Variants in NRDC observed in about 807,000 individuals in gnomAD.
NRDC encodes nardilysin.
In NRDC, 54 loss-of-function variants were observed where a neutral mutation model predicts 147.1. The ratio of observed to expected loss-of-function variants is 0.37; its 90% CI spans 0.29 to 0.46. The LOEUF (loss-of-function observed/expected upper bound fraction) is 0.46, where lower values mean the gene tolerates loss of function less well. Among genes scored for constraint, NRDC ranks in the 20% least tolerant of loss-of-function variants. The pLI, the probability that NRDC is intolerant of heterozygous loss-of-function variation, is 1.00. For missense variants in NRDC, 1,082 were observed against 1,370.6 expected, an observed-to-expected ratio of 0.79 and a Z score of 3.33; for synonymous variants, 440 against 482.1, an observed-to-expected ratio of 0.91 and a Z score of 1.14.
intron 1 of NRDC, among the ~76,000 whole-genome samples, chr1:51,850,636 A>G (rs1681902384): frequency 6.6e-6 from 1 of 152,224 alleles, no homozygotes. Flanking sequence ...TTGCTTCCCT[A>G]CAGAAACTAA....
At chr1:51,802,212 G>A (rs1287145518) in intron 20 of NRDC, among the ~76,000 whole-genome samples, 1 of 152,054 alleles carries the variant, frequency 6.6e-6, no homozygotes, top group Non-Finnish European at 1.5e-5. Flanking sequence ...GACTTGTGTT[G>A]TGGTGACTTA....
chr1:51,867,245 G>A lies in NRDC; in HGVS notation c.341+11030C>T, dbSNP rs565884375. ...GTAACAAGCCAAAGGAGAAAAGGAAGAAGACAGAAATGGAAGCAAGACTTT... is the reference window on the plus strand; with the variant it reads ...GTAACAAGCCAAAGGAGAAAAGGAAAAAGACAGAAATGGAAGCAAGACTTT... On this transcript the variant is annotated intron_variant, in intron 1 of 30. Transcript: ENST00000352171. Among the ~76,000 whole-genome samples, 26 of 152,278 alleles carry A rather than the reference G, an allele frequency of 1.7e-4. No homozygotes were observed. In the South Asian group the frequency reaches 4.6e-3, roughly 27 times the overall value.
At chr1:51,846,436 A>G (rs1374446805) in intron 1 of NRDC, among the ~76,000 whole-genome samples, 1 of 152,088 alleles carries the variant, frequency 6.6e-6, no homozygotes, top group Admixed American at 6.5e-5. Context: ...TTCTTAAAAC[A>G]TTTTCACTCT....
At position 51,878,502 on chromosome 1, in the gene NRDC, G is replaced by A. The variant is rs747732497; in HGVS notation, c.114C>T (p.Asp38=). 1.2e-6 allele frequency: 2 copies of A among 1,613,914 alleles called. No homozygotes were observed. The highest frequency in any genetic ancestry group is 1.1e-5 in the South Asian group (1 of 91,076). Reference sequence around the variant, plus strand: ...TAGGAAAGGGTCTGGCAGCAGCAGAGTCTTCGCACCGACCCCGCGTTTCGA... The same window carrying A: ...TAGGAAAGGGTCTGGCAGCAGCAGAATCTTCGCACCGACCCCGCGTTTCGA... The part of the protein sequence containing the change: ...WGIETRGRCE[D]SAAARPFPIL... Residue 38 remains aspartate (D), a synonymous_variant, in exon 1 of 31, where the codon GAC becomes GAT. Coordinates refer to ENST00000352171, the MANE Select transcript of NRDC (RefSeq NM_001101662.2).
intron 15 of NRDC, among the ~76,000 whole-genome samples, chr1:51,811,065 T>C (rs2149200640): frequency 6.6e-6 from 1 of 152,250 alleles, no homozygotes. Flanking sequence ...AACTACTACT[T>C]AAACACCATT....
At chr1:51,815,175 T>A (rs1679902711) in intron 11 of NRDC, among the ~76,000 whole-genome samples, 2 of 32,856 alleles carry the variant, frequency 6.1e-5, no homozygotes, top group Admixed American at 6.2e-4. Flanking sequence ...TTTGCTTACC[T>A]TTTTTTCTTT....
In NRDC at chr1:51,806,740, T is replaced by C. The variant is rs112454575; in HGVS notation, c.2110+54A>G. ...AGATAATCACATGTGAAACAGAGCA[T>C]CTAAAGAGAACACTGGAATTCAGCA... On this transcript the variant is annotated intron_variant, in intron 18 of 30. Transcript: ENST00000352171. The C allele has an allele frequency of 1.1e-5, 17 of 1,537,798 alleles. No individual in the cohort carries two copies. In the African/African-American group the frequency reaches 1.4e-4, roughly 12 times the overall value.
At chr1:51,800,475 G>A in intron 21 of NRDC, 81 bp downstream of exon 21, 1 of 1,487,886 alleles carries the variant, frequency 6.7e-7, no homozygotes, top group Non-Finnish European at 9.2e-7. Flanking sequence ...TGCAACTATA[G>A]CCTTAACCCC....
intron 1 of NRDC, among the ~76,000 whole-genome samples, chr1:51,854,232 G>C (rs1405070945): frequency 6.6e-6 from 1 of 152,144 alleles, no homozygotes; most frequent in Non-Finnish European, 1.5e-5. Flanking sequence ...GCCAGGCGTA[G>C]AGGTGCACAC....
chr1:51,821,503 T>G lies in NRDC; in HGVS notation c.1212A>C (p.Pro404=). 1 of 1,592,794 alleles carries G rather than the reference T, an allele frequency of 6.3e-7. No individual in the cohort carries two copies. The highest frequency in any genetic ancestry group is 1.7e-4 in the Middle Eastern group (1 of 6,030). The change falls in exon 8 of 31, where the codon CCA becomes CCC. Residue 404 remains proline, a synonymous_variant. Coordinates refer to ENST00000352171, the MANE Select transcript of NRDC (RefSeq NM_001101662.2). ...TATGAAAATAAATATCTTACTTGTTTGGTATCTGAGAGAAGATTTCAGTCA... is the reference window on the plus strand; with the variant it reads ...TATGAAAATAAATATCTTACTTGTTGGGTATCTGAGAGAAGATTTCAGTCA... The part of the protein sequence containing the change: ...KWVTEIFSQI[P]NNGLPRPNFG...
chr1:51,808,229 T>C (rs2149198611), intron 17 of NRDC, among the ~76,000 whole-genome samples: 1 of 152,312 alleles, frequency 6.6e-6, no homozygotes, highest in South Asian at 2.1e-4. Context: ...AACTACCACT[T>C]CTAGCTAGTT....
chr1:51,837,088 G>T (rs1216109466), intron 2 of NRDC, among the ~76,000 whole-genome samples: 4 of 151,602 alleles, frequency 2.6e-5, no homozygotes, highest in Non-Finnish European at 5.9e-5. Flanking sequence ...GAACTATTGG[G>T]GCATAATTAC....
intron 2 of NRDC, among the ~76,000 whole-genome samples, chr1:51,837,117 A>G (rs1681023071): frequency 6.6e-6 from 1 of 152,168 alleles, no homozygotes; most frequent in African/African-American, 2.4e-5. Context: ...AAAAGACAAA[A>G]AAAGGAGAAA....
At chr1:51,872,020 C>T (rs1246084589) in intron 1 of NRDC, among the ~76,000 whole-genome samples, 2 of 152,088 alleles carry the variant, frequency 1.3e-5, no homozygotes, top group Non-Finnish European at 2.9e-5. Flanking sequence ...TACAGGCATC[C>T]GCCACCACAC....
intron 7 of NRDC, 149 bp downstream of exon 7, chr1:51,823,515 C>T (rs901850107): frequency 1.9e-5 from 11 of 584,610 alleles, no homozygotes; most frequent in East Asian, 2.9e-5. Flanking sequence ...CCACTAGCTA[C>T]GTGACATCTC....
Position 51,792,365 on chromosome 1 carries a change from T to TTA in NRDC, c.2823+10_2823+11dup. 39 of 1,613,842 alleles carry TTA rather than the reference T, an allele frequency of 2.4e-5. No individual in the cohort carries two copies. The highest frequency in any genetic ancestry group is 3.2e-5 in the Non-Finnish European group (38 of 1,179,764). ...GCTGCTGAAAACCTCAGCATCTCCT[T>TTA]TATGCACTTACCACAAGCAGCTCCA... is the stretch of plus-strand genomic sequence containing the variant. On this transcript the variant is annotated intron_variant, in intron 25 of 30. Transcript: ENST00000352171.
rs891806498 is a variant in NRDC at position 51,798,912 on chromosome 1, C to T, written c.2442-501G>A. On this transcript the variant is annotated intron_variant, in intron 21 of 30. Coordinates refer to ENST00000352171, the MANE Select transcript of NRDC (RefSeq NM_001101662.2). ...TGTTTGAATTTGACAAATCTACTAA[C>T]ATCTATGATTCAATTTCTTCATTTG... 3.3e-5 allele frequency: 5 copies of T among 152,506 alleles called. No homozygotes were observed. In the East Asian group the frequency reaches 9.6e-4, roughly 29 times the overall value. 9.4% of individuals were successfully genotyped at this position (152,506 alleles called of 1,614,324 possible).
chr1:51,831,066 T>C (rs112239946), intron 4 of NRDC, among the ~76,000 whole-genome samples: 5 of 152,236 alleles, frequency 3.3e-5, no homozygotes, highest in African/African-American at 7.2e-5. Context: ...TTCTCATTAA[T>C]TTATCCTATT....
At chr1:51,799,900 C>T in intron 21 of NRDC, among the ~76,000 whole-genome samples, 1 of 152,198 alleles carries the variant, frequency 6.6e-6, no homozygotes. Context: ...AGATAAGTGA[C>T]ATGTTTAGCA....
Sources: allele counts gnomAD v4.1 joint callset (sites outside exome capture counted in the v4.1 genomes callset), GRCh38; gene constraint gnomAD v4.1.1; transcripts MANE v1.5; gene names NCBI Gene and HGNC (gene_info 2026-07-23, HGNC 2026-07-21).